CLEC17A: variants seen among roughly 807,000 people sequenced by gnomAD.
CLEC17A encodes the protein C-type lectin domain family 17, member A.
In CLEC17A, 37 loss-of-function variants were observed where a neutral mutation model predicts 61.3. That is an observed-to-expected ratio of 0.60 (90% CI 0.46 to 0.79). CLEC17A has a LOEUF of 0.79. CLEC17A is among the 30% of genes least tolerant of loss of function. The pLI, the probability that CLEC17A is intolerant of heterozygous loss-of-function variation, is 0.00. For missense variants in CLEC17A, 418 were observed against 464.7 expected, an observed-to-expected ratio of 0.90 and a Z score of 0.92; for synonymous variants, 168 against 164.9, an observed-to-expected ratio of 1.02 and a Z score of -0.14.
At chr19:14,599,920 C>A in intron 11 of CLEC17A, 108 bp downstream of exon 11, 1 of 1,502,658 alleles carries the variant, frequency 6.7e-7, no homozygotes, top group Non-Finnish European at 9.1e-7. Context: ...AATGGTGCCC[C>A]TCCCCCTCAC....
intron 13 of CLEC17A, among the ~76,000 whole-genome samples, chr19:14,608,800 ATTTT>A (rs71166766): frequency 1.5e-5 from 2 of 131,366 alleles, no homozygotes; most frequent in Admixed American, 7.7e-5. Flanking sequence ...TGCCTGGCTA[ATTTT>A]TTTTTTTTTT....
chr19:14,608,598 A>G (rs1327904247), intron 13 of CLEC17A, among the ~76,000 whole-genome samples: 1 of 151,900 alleles, frequency 6.6e-6, no homozygotes, highest in Non-Finnish European at 1.5e-5. Context: ...TGGTTGGGAG[A>G]AAAAAGGGAG....
In CLEC17A at chr19:14,594,525, G is replaced by A; in HGVS notation, c.286G>A (p.Ala96Thr). Reference protein sequence around the residue: ...KDLPPKPGSSAPPRPPRAAKE... With the variant: ...KDLPPKPGSSTPPRPPRAAKE... Reference sequence around the variant, plus strand: ...GAGCTTCTCTTCTCCAGGTTCAAGTGCTCCACCAAGACCTCCAAGGGCAGG... The same window carrying A: ...GAGCTTCTCTTCTCCAGGTTCAAGTACTCCACCAAGACCTCCAAGGGCAGG... The change falls in exon 5 of 14, where the codon GCT (alanine) becomes ACT (threonine). Residue 96 changes from alanine to threonine, a missense_variant. Transcript: ENST00000417570. 1.9e-6 allele frequency: 3 copies of A among 1,593,546 alleles called. No homozygotes were observed. Among genetic ancestry groups the A allele is most frequent in the Non-Finnish European group, 1.7e-6 (2 of 1,170,836 alleles).
At chr19:14,582,963 GTA>G (rs955658842), upstream of CLEC17A, 14 of 536,890 alleles carry the variant, frequency 2.6e-5, no homozygotes, top group African/African-American at 1.1e-4. Flanking sequence ...GGCTCTGTGT[GTA>G]TGTGTGTGTG....
intron 10 of CLEC17A, among the ~76,000 whole-genome samples, chr19:14,598,243 G>A (rs979237426): frequency 6.6e-6 from 1 of 152,032 alleles, no homozygotes; most frequent in Admixed American, 6.5e-5. Context: ...ATCCCTTGAG[G>A]CCAGGAGTTC....
At position 14,596,101 on chromosome 19, in the gene CLEC17A, G is replaced by A. The variant is rs937363993; in HGVS notation, c.446-775G>A. ...CAGATCTCCAGAAACTCAGGTATCT[G>A]CTTGCATAAGATATGGGAAATGTTC... On this transcript the variant is annotated intron_variant, in intron 8 of 13. Coordinates refer to ENST00000417570, the MANE Select transcript of CLEC17A (RefSeq NM_001204118.2). Among the ~76,000 whole-genome samples, 8 of 16,484 alleles carry A rather than the reference G, an allele frequency of 4.9e-4. No homozygotes were observed. The Admixed American group carries it at 5.7e-3, about 12-fold the overall frequency. 10.8% of individuals were successfully genotyped at this position (16,484 alleles called of 152,430 possible). A position where few individuals can be genotyped will look rare whatever the true frequency, so the allele number is the denominator to read the frequency against.
intron 13 of CLEC17A, among the ~76,000 whole-genome samples, chr19:14,609,609 G>A (rs1310194709): frequency 4.0e-5 from 6 of 148,220 alleles, no homozygotes; most frequent in African/African-American, 1.0e-4. Flanking sequence ...AGGCTGAGGC[G>A]GGCGGATCAC....
chr19:14,605,380 G>A (rs568746854), intron 12 of CLEC17A, among the ~76,000 whole-genome samples: 8 of 146,824 alleles, frequency 5.4e-5, no homozygotes, highest in South Asian at 2.6e-4. Context: ...ACAGGCATGA[G>A]CCACCGCGCC....
chr19:14,600,880 C>T lies in CLEC17A; in HGVS notation c.894+698C>T, dbSNP rs369336572. Among the ~76,000 whole-genome samples, 778 of 142,586 alleles carry T rather than the reference C, an allele frequency of 5.5e-3. 9 individuals are homozygous for T. The highest frequency in any genetic ancestry group is 0.019 in the African/African-American group (722 of 38,324). The allele number at this position is 142,586 out of a possible 152,430, so 93.5% of individuals were successfully genotyped here. ...CTGGGATTACAGGCGTGAGCCACCA[C>T]GCTCGGCCTTCTTTTTTTTTTTTTT... On this transcript the variant is annotated intron_variant, in intron 12 of 13. Transcript: ENST00000417570.
Position 14,583,342 on chromosome 19 carries a change from C to T in CLEC17A, c.44-15C>T, listed in dbSNP as rs772684461. On this transcript the variant is annotated splice_polypyrimidine_tract_variant and intron_variant, in intron 1 of 13. Transcript: ENST00000417570. Reference sequence around the variant, plus strand: ...GAGGGAATGGCTGGGCTCTGACTTGCCTTTCCCCTGGAAGGGACCATGGAG... The same window carrying T: ...GAGGGAATGGCTGGGCTCTGACTTGTCTTTCCCCTGGAAGGGACCATGGAG... 16 of 1,607,834 alleles carry T rather than the reference C, an allele frequency of 1.0e-5. No individual in the cohort carries two copies. Among genetic ancestry groups the T allele is most frequent in the East Asian group, 2.2e-5 (1 of 44,632 alleles).
At chr19:14,609,133 T>G (rs1248207916) in intron 13 of CLEC17A, among the ~76,000 whole-genome samples, 2 of 152,056 alleles carry the variant, frequency 1.3e-5, no homozygotes, top group East Asian at 3.9e-4. Flanking sequence ...CAGGAATGCT[T>G]TTTCCGCAAA....
At chr19:14,582,158 C>CT (rs909911058), upstream of CLEC17A, among the ~76,000 whole-genome samples, 13 of 151,646 alleles carry the variant, frequency 8.6e-5, no homozygotes, top group Admixed American at 4.6e-4. Flanking sequence ...ACCACATTGC[C>CT]TTTTTTTTGT....
chr19:14,606,586 G>A (rs1318000173), intron 12 of CLEC17A, among the ~76,000 whole-genome samples: 3 of 151,280 alleles, frequency 2.0e-5, no homozygotes, highest in Admixed American at 1.3e-4. Context: ...AGGTTGAGGC[G>A]GGAGAATCGC....
intron 13 of CLEC17A, among the ~76,000 whole-genome samples, chr19:14,607,838 AG>A (rs1011246278): frequency 4.6e-5 from 7 of 151,432 alleles, no homozygotes; most frequent in African/African-American, 1.7e-4. Context: ...GGCCTCCCAA[AG>A]TGTTGGGATT....
chr19:14,604,028 G>T (rs1277615209), intron 12 of CLEC17A, among the ~76,000 whole-genome samples: 2 of 152,154 alleles, frequency 1.3e-5, no homozygotes, highest in Non-Finnish European at 2.9e-5. Context: ...AGCCTTTTGG[G>T]CCTGGAGGTC....
chr19:14,583,921 GA>G (rs1347141693), intron 2 of CLEC17A, among the ~76,000 whole-genome samples: 1 of 151,986 alleles, frequency 6.6e-6, no homozygotes, highest in Non-Finnish European at 1.5e-5. Context: ...ACAAGAGACT[GA>G]TAAGTGGTTG....
chr19:14,596,278 T>C lies in CLEC17A; in HGVS notation c.446-598T>C, dbSNP rs906689329. 3.3e-5 allele frequency among the ~76,000 whole-genome samples: 5 copies of C among 152,058 alleles called. No individual in the cohort carries two copies. The South Asian group carries it at 1.0e-3, about 31-fold the overall frequency. On this transcript the variant is annotated intron_variant, in intron 8 of 13. Coordinates refer to ENST00000417570, the MANE Select transcript of CLEC17A (RefSeq NM_001204118.2). The stretch of plus-strand genomic sequence containing the variant: ...CCTCACCAAGCCTCAGTTTACTCAC[T>C]TGCAAAATGGGAATAATGCTTATAA...
chr19:14,592,470 G>A (rs1021642815), intron 4 of CLEC17A, 112 bp downstream of exon 4: 31 of 1,543,742 alleles, frequency 2.0e-5, no homozygotes, highest in Non-Finnish European at 2.4e-5. Flanking sequence ...TCCAGCCCAT[G>A]CCAGGCACTG....
rs748802242 is a variant in CLEC17A at position 14,610,208 on chromosome 19, G to A, written c.*12G>A. 2.1e-5 allele frequency: 33 copies of A among 1,551,826 alleles called. No homozygotes were observed. The South Asian group carries it at 3.4e-4, about 16-fold the overall frequency. ...AATGTTCCTGTTGAAGCCCAGGGCCGAGGCTGGGGGTCCATATCTGAGTGT... is the reference window on the plus strand; with the variant it reads ...AATGTTCCTGTTGAAGCCCAGGGCCAAGGCTGGGGGTCCATATCTGAGTGT... On this transcript the variant is annotated 3_prime_UTR_variant, in exon 14 of 14. Transcript: ENST00000417570.
Sources: allele counts gnomAD v4.1 joint callset (sites outside exome capture counted in the v4.1 genomes callset), GRCh38; gene constraint gnomAD v4.1.1; transcripts MANE v1.5; gene names NCBI Gene and HGNC (gene_info 2026-07-23, HGNC 2026-07-21).